The following GHR variants were observed in gnomAD, a reference collection of about 807,000 sequenced individuals.
GHR encodes GH receptor.
GHR carries 35 observed loss-of-function variants against 67.1 expected under a neutral mutation model. That is an observed-to-expected ratio of 0.52 (90% CI 0.40 to 0.69). The LOEUF is 0.69. Among genes scored for constraint, GHR ranks in the 30% least tolerant of loss-of-function variants. GHR has a pLI of 0.00. For missense variants in GHR, 792 were observed against 764.6 expected, an observed-to-expected ratio of 1.04 and a Z score of -0.42; for synonymous variants, 272 against 269.1, an observed-to-expected ratio of 1.01 and a Z score of -0.10.
At chr5:42,501,765 T>G (rs762945065) in intron 1 of GHR, among the ~76,000 whole-genome samples, 4 of 152,212 alleles carry the variant, frequency 2.6e-5, no homozygotes, top group Non-Finnish European at 5.9e-5. Flanking sequence ...GCCAGATTTT[T>G]AAACACAAAA....
At chr5:42,541,105 G>T (rs1023020325) in intron 1 of GHR, among the ~76,000 whole-genome samples, 3 of 151,718 alleles carry the variant, frequency 2.0e-5, no homozygotes, top group Non-Finnish European at 4.4e-5. Flanking sequence ...TGCATGCCTT[G>T]TGTTTTCCTG....
intron 1 of GHR, among the ~76,000 whole-genome samples, chr5:42,530,257 A>C (rs189145992): frequency 6.6e-6 from 1 of 152,234 alleles, no homozygotes; most frequent in Admixed American, 6.5e-5. Flanking sequence ...AACATAATTC[A>C]ATTAAAATTC....
chr5:42,658,872 C>G (rs1755405600), intron 3 of GHR, among the ~76,000 whole-genome samples: 1 of 152,040 alleles, frequency 6.6e-6, no homozygotes, highest in Non-Finnish European at 1.5e-5. Context: ...TTACTTCTGA[C>G]CTAAATTTGT....
At chr5:42,503,267 G>T (rs1429155760) in intron 1 of GHR, among the ~76,000 whole-genome samples, 1 of 152,154 alleles carries the variant, frequency 6.6e-6, no homozygotes. Context: ...GTACTTAGAG[G>T]ATGATCTCAT....
chr5:42,444,006 T>C (rs569108798), intron 1 of GHR, among the ~76,000 whole-genome samples: 6 of 134,274 alleles, frequency 4.5e-5, no homozygotes, highest in Non-Finnish European at 1.0e-4. Flanking sequence ...TAGACATAGA[T>C]AGATATAGAT....
intron 5 of GHR, among the ~76,000 whole-genome samples, chr5:42,696,662 AGTT>A (rs1757688575): frequency 6.6e-6 from 1 of 152,198 alleles, no homozygotes; most frequent in Non-Finnish European, 1.5e-5. Flanking sequence ...AATCATCAGT[AGTT>A]GTTTGTGCCC....
chr5:42,697,267 A>C (rs1011206555), intron 5 of GHR, among the ~76,000 whole-genome samples: 1 of 152,252 alleles, frequency 6.6e-6, no homozygotes, highest in African/African-American at 2.4e-5. Context: ...GACATTTGTC[A>C]TTCATTCAAT....
In GHR at chr5:42,579,074, TATAGATAGATAGATAGATAGATAGATAG is replaced by T. The variant is rs6149005; in HGVS notation, c.70+13169_70+13196del. On this transcript the variant is annotated intron_variant, in intron 2 of 9. Transcript: ENST00000230882. ...CTGTTTTAAACTCTAAATCTGACACTATAGATAGATAGATAGATAGATAGATAGATAGATAGATAGATAGATAGATAGA... is the reference window on the plus strand; with the variant it reads ...CTGTTTTAAACTCTAAATCTGACACTATAGATAGATAGATAGATAGATAGA... Among the ~76,000 whole-genome samples, 232 of 123,802 alleles carry T rather than the reference TATAGATAGATAGATAGATAGATAGATAG, an allele frequency of 1.9e-3. 2 individuals carry two copies. The highest frequency in any genetic ancestry group is 8.3e-3 in the Middle Eastern group (2 of 242). 81.2% of individuals were successfully genotyped at this position (123,802 alleles called of 152,430 possible). A position where few individuals can be genotyped will look rare whatever the true frequency, so the allele number is the denominator to read the frequency against.
At chr5:42,520,104 A>C (rs1747411185) in intron 1 of GHR, among the ~76,000 whole-genome samples, 1 of 152,222 alleles carries the variant, frequency 6.6e-6, no homozygotes, top group African/African-American at 2.4e-5. Flanking sequence ...TTGGAATATT[A>C]GTCCAATATA....
intron 2 of GHR, among the ~76,000 whole-genome samples, chr5:42,626,656 G>T (rs55730643): frequency 0.15 from 22,597 of 152,088 alleles, 2,096 homozygotes; most frequent in Non-Finnish European, 0.22. Context: ...CCATCCTGAG[G>T]CTCTCCAGGA....
intron 2 of GHR, among the ~76,000 whole-genome samples, chr5:42,578,708 A>G (rs935059554): frequency 3.9e-5 from 6 of 152,198 alleles, no homozygotes; most frequent in African/African-American, 1.4e-4. Context: ...TAAATCTAGA[A>G]GTAGTTAAGG....
intron 1 of GHR, among the ~76,000 whole-genome samples, chr5:42,470,342 C>T (rs1346985884): frequency 6.6e-6 from 1 of 151,194 alleles, no homozygotes; most frequent in Admixed American, 6.6e-5. Flanking sequence ...GCATTGTTTG[C>T]TTAGAATCAT....
At chr5:42,533,183 A>G (rs1291931938) in intron 1 of GHR, among the ~76,000 whole-genome samples, 1 of 152,134 alleles carries the variant, frequency 6.6e-6, no homozygotes, top group Non-Finnish European at 1.5e-5. Context: ...ATTATTTATA[A>G]CATTAGGTAT....
intron 1 of GHR, among the ~76,000 whole-genome samples, chr5:42,463,909 C>A (rs994566608): frequency 1.5e-5 from 2 of 135,488 alleles, no homozygotes; most frequent in African/African-American, 5.5e-5. Context: ...AGGAGAATGG[C>A]GTGAACCCGA....
chr5:42,437,558 T>C (rs1457670691), intron 1 of GHR, among the ~76,000 whole-genome samples: 1 of 150,160 alleles, frequency 6.7e-6, no homozygotes, highest in Non-Finnish European at 1.5e-5. Flanking sequence ...TTTATTTATT[T>C]ATTTATTTGA....
At chr5:42,665,952 A>C (rs546621319) in intron 3 of GHR, among the ~76,000 whole-genome samples, 53 of 152,124 alleles carry the variant, frequency 3.5e-4, no homozygotes, top group Admixed American at 8.5e-4. Flanking sequence ...AGAACAGCAC[A>C]AGAAAAACCT....
At chr5:42,471,289 A>C (rs931237030) in intron 1 of GHR, among the ~76,000 whole-genome samples, 8 of 152,310 alleles carry the variant, frequency 5.3e-5, no homozygotes, top group Non-Finnish European at 8.8e-5. Context: ...AAGGAATTCA[A>C]ATCAACTCAA....
chr5:42,483,293 C>T (rs1467389270), intron 1 of GHR, among the ~76,000 whole-genome samples: 1 of 152,144 alleles, frequency 6.6e-6, no homozygotes, highest in East Asian at 1.9e-4. Flanking sequence ...ATCAAGCAGT[C>T]TGCCCACCTT....
At chr5:42,472,373 A>G (rs1468245230) in intron 1 of GHR, among the ~76,000 whole-genome samples, 1 of 152,208 alleles carries the variant, frequency 6.6e-6, no homozygotes, top group Admixed American at 6.5e-5. Context: ...TATAAATGCT[A>G]TTGCACAAAA....
Sources: allele counts gnomAD v4.1 joint callset (sites outside exome capture counted in the v4.1 genomes callset), GRCh38; gene constraint gnomAD v4.1.1; transcripts MANE v1.5; gene names NCBI Gene and HGNC (gene_info 2026-07-23, HGNC 2026-07-21).